Variants in GABRA3 observed in about 807,000 individuals in gnomAD.
The protein encoded by GABRA3 is gamma-aminobutyric acid receptor subunit alpha-3.
Under a neutral mutation model 30.1 loss-of-function variants are expected in GABRA3, and 10 were observed. That is an observed-to-expected ratio of 0.33 (90% CI 0.20 to 0.56). The LOEUF (loss-of-function observed/expected upper bound fraction) is 0.56, where lower values mean the gene tolerates loss of function less well. GABRA3 is among the 20% of genes least tolerant of loss of function. The pLI is 0.89. For synonymous variants in GABRA3, 151 were observed against 146.8 expected (o/e 1.03, Z -0.21); for missense variants, 233 against 392.0 (o/e 0.59, Z 3.42).
At chrX:152,365,594 C>T (rs1928634732) in intron 1 of GABRA3, among the ~76,000 whole-genome samples, 1 of 111,713 alleles carries the variant, frequency 9.0e-6, no homozygotes, top group African/African-American at 3.3e-5. Context: ...TCTGACCCAA[C>T]AACATACCCT....
chrX:152,297,564 A>G (rs1440356666), intron 3 of GABRA3, among the ~76,000 whole-genome samples: 1 of 112,116 alleles, frequency 8.9e-6, no homozygotes, highest in African/African-American at 3.2e-5. Context: ...CCAGAATGTA[A>G]TGGGAAAAGC....
At chrX:152,180,434 T>A (rs1281190987) in intron 9 of GABRA3, among the ~76,000 whole-genome samples, 1 of 112,087 alleles carries the variant, frequency 8.9e-6, no homozygotes, top group African/African-American at 3.2e-5. Flanking sequence ...CCTTGTATAG[T>A]TTTTATATTA....
intron 3 of GABRA3, among the ~76,000 whole-genome samples, chrX:152,326,091 A>G (rs1940051864): frequency 9.0e-6 from 1 of 111,319 alleles, no homozygotes; most frequent in Non-Finnish European, 1.9e-5. Context: ...ATCAAGTGGA[A>G]GAAAGGGTAT....
intron 1 of GABRA3, among the ~76,000 whole-genome samples, chrX:152,441,293 G>A (rs931843092): frequency 1.8e-5 from 2 of 111,273 alleles, no homozygotes; most frequent in African/African-American, 6.5e-5. Context: ...AATCTAATAT[G>A]TAAGAGTATT....
At chrX:152,233,455 A>T (rs1451315329) in intron 5 of GABRA3, among the ~76,000 whole-genome samples, 1 of 109,872 alleles carries the variant, frequency 9.1e-6, no homozygotes, top group South Asian at 3.8e-4. Context: ...AATGCTCATC[A>T]TCACTGGCCA....
At chrX:152,299,405 T>C (rs1939591150) in intron 3 of GABRA3, among the ~76,000 whole-genome samples, 1 of 108,809 alleles carries the variant, frequency 9.2e-6, no homozygotes, top group Non-Finnish European at 1.9e-5. Flanking sequence ...TGGTTGTGTT[T>C]GGGGCTGCAG....
intron 4 of GABRA3, among the ~76,000 whole-genome samples, chrX:152,266,586 C>A (rs1938829300): frequency 9.0e-6 from 1 of 110,524 alleles, no homozygotes; most frequent in Non-Finnish European, 1.9e-5. Context: ...GAGAATTTAC[C>A]ATGAACAGAT....
At chrX:152,278,454 G>A (rs1484370042) in intron 4 of GABRA3, among the ~76,000 whole-genome samples, 1 of 111,160 alleles carries the variant, frequency 9.0e-6, no homozygotes, top group South Asian at 3.8e-4. Context: ...AGTTTTTATG[G>A]CTGCATAGTA....
chrX:152,298,008 C>A (rs970381074), intron 3 of GABRA3, among the ~76,000 whole-genome samples: 21 of 112,188 alleles, frequency 1.9e-4, no homozygotes, highest in African/African-American at 6.5e-4. Flanking sequence ...GAGGAATGTC[C>A]TTCAACTGGA....
intron 1 of GABRA3, among the ~76,000 whole-genome samples, chrX:152,364,963 T>A (rs1365145970): frequency 9.0e-6 from 1 of 111,573 alleles, no homozygotes; most frequent in Non-Finnish European, 1.9e-5. Context: ...TCAGCTTGGG[T>A]TACCTCTTAT....
intron 9 of GABRA3, among the ~76,000 whole-genome samples, chrX:152,182,374 CTA>C (rs1177672915): frequency 9.6e-5 from 9 of 93,912 alleles, no homozygotes; most frequent in Non-Finnish European, 1.5e-4. Flanking sequence ...TATATATACA[CTA>C]TATATAGTGT....
intron 1 of GABRA3, among the ~76,000 whole-genome samples, chrX:152,415,640 C>G (rs113559007): frequency 0.022 from 2,471 of 110,603 alleles, 33 homozygotes; most frequent in South Asian, 0.059. Context: ...TTTATTGTTG[C>G]AATATAATAA....
chrX:152,418,411 A>C (rs1930288732), intron 1 of GABRA3, among the ~76,000 whole-genome samples: 1 of 111,775 alleles, frequency 8.9e-6, no homozygotes, highest in Non-Finnish European at 1.9e-5. Flanking sequence ...TAAGCAAATT[A>C]ATTCTAAATA....
intron 4 of GABRA3, among the ~76,000 whole-genome samples, chrX:152,280,475 A>G (rs897428518): frequency 9.0e-6 from 1 of 111,411 alleles, no homozygotes; most frequent in African/African-American, 3.3e-5. Context: ...TGCCACCAGG[A>G]AAGAGATCCC....
At chrX:152,208,577 C>A (rs925694391) in intron 6 of GABRA3, among the ~76,000 whole-genome samples, 1 of 111,471 alleles carries the variant, frequency 9.0e-6, no homozygotes, top group African/African-American at 3.3e-5. Context: ...AAAATGCAAA[C>A]CCCAGTGTTG....
chrX:152,202,196 C>T (rs1305334537), intron 7 of GABRA3, among the ~76,000 whole-genome samples: 1 of 111,729 alleles, frequency 9.0e-6, no homozygotes, highest in Non-Finnish European at 1.9e-5. Flanking sequence ...GCCAGCCATA[C>T]CAATCAGAAC....
At chrX:152,332,745 T>G (rs985361584) in intron 3 of GABRA3, among the ~76,000 whole-genome samples, 7 of 112,044 alleles carry the variant, frequency 6.2e-5, no homozygotes, top group African/African-American at 2.3e-4. Flanking sequence ...GGGGCAAAGA[T>G]CCATGCCAAC....
At chrX:152,327,039 G>T (rs1940073690) in intron 3 of GABRA3, among the ~76,000 whole-genome samples, 1 of 107,294 alleles carries the variant, frequency 9.3e-6, no homozygotes, top group African/African-American at 3.4e-5. Flanking sequence ...AAAAAAAAAA[G>T]CAGGGGTTGC....
chrX:152,227,638 T>A (rs1007534362), intron 5 of GABRA3, among the ~76,000 whole-genome samples: 3 of 107,542 alleles, frequency 2.8e-5, no homozygotes, highest in Non-Finnish European at 5.8e-5. Flanking sequence ...CCATCAGTAA[T>A]TCCACTCAGG....
Sources: gnomAD v4.1 joint callset for allele counts (sites outside exome capture counted in the v4.1 genomes callset) on GRCh38, gnomAD v4.1.1 for gene constraint, MANE v1.5 for transcripts, NCBI Gene and HGNC (gene_info 2026-07-23, HGNC 2026-07-21) for gene names.